Variants in GNAO1 observed in about 807,000 individuals in gnomAD.
GNAO1 encodes G protein subunit alpha o1.
For missense variants in GNAO1, 166 were observed against 478.7 expected, an observed-to-expected ratio of 0.35 and a Z score of 6.10; for synonymous variants, 164 against 180.7, an observed-to-expected ratio of 0.91 and a Z score of 0.74.
At chr16:56,197,423 G>A (rs530725886) in intron 2 of GNAO1, among the ~76,000 whole-genome samples, 69 of 152,320 alleles carry the variant, frequency 4.5e-4, no homozygotes, top group Middle Eastern at 6.8e-3. Context: ...TTTTCCTGAT[G>A]GATGGTGCTC....
intron 2 of GNAO1, among the ~76,000 whole-genome samples, chr16:56,256,712 CTCTCTCTGTGTG>C (rs1160126856): frequency 1.6e-4 from 19 of 116,028 alleles, no homozygotes; most frequent in South Asian, 1.3e-3. Flanking sequence ...CTCTCTCTCT[CTCTCTCTGTGTG>C]TGTGTGTGTG....
intron 2 of GNAO1, among the ~76,000 whole-genome samples, chr16:56,233,151 T>C (rs531154540): frequency 6.6e-6 from 1 of 152,302 alleles, no homozygotes; most frequent in East Asian, 1.9e-4. Context: ...CTGGCTAAAG[T>C]TGTTTTGAGG....
At chr16:56,235,325 A>T in intron 2 of GNAO1, 1 of 456,078 alleles carries the variant, frequency 2.2e-6, no homozygotes, top group Non-Finnish European at 4.4e-6. Flanking sequence ...GCTTAGACAG[A>T]GCATGTAGCC....
chr16:56,232,134 C>G (rs1255966528), intron 2 of GNAO1, among the ~76,000 whole-genome samples: 1 of 152,158 alleles, frequency 6.6e-6, no homozygotes, highest in Non-Finnish European at 1.5e-5. Flanking sequence ...AAAATGTTTC[C>G]TTTACTATTG....
intron 2 of GNAO1, among the ~76,000 whole-genome samples, chr16:56,275,100 A>C (rs995486480): frequency 6.6e-6 from 1 of 152,232 alleles, no homozygotes; most frequent in Non-Finnish European, 1.5e-5. Context: ...ATATGACCAC[A>C]GAAGAGTTTA....
At chr16:56,199,069 A>G (rs1335129860) in intron 2 of GNAO1, among the ~76,000 whole-genome samples, 3 of 152,222 alleles carry the variant, frequency 2.0e-5, no homozygotes, top group Non-Finnish European at 2.9e-5. Flanking sequence ...GGGCTACCCC[A>G]GGCTCCCTTC....
intron 6 of GNAO1, chr16:56,339,963 T>C (rs2037783900): frequency 6.6e-6 from 1 of 152,402 alleles, no homozygotes; most frequent in Non-Finnish European, 1.5e-5. Context: ...CTCCAGCCAC[T>C]TGGCCTGGGC....
chr16:56,321,005 G>A (rs1429888324), intron 3 of GNAO1, among the ~76,000 whole-genome samples: 1 of 152,236 alleles, frequency 6.6e-6, no homozygotes, highest in Non-Finnish European at 1.5e-5. Flanking sequence ...CCATGGGAGA[G>A]AGAGGGGCCA....
intron 3 of GNAO1, among the ~76,000 whole-genome samples, chr16:56,293,965 G>A (rs1285475544): frequency 6.6e-6 from 1 of 152,208 alleles, no homozygotes; most frequent in Non-Finnish European, 1.5e-5. Flanking sequence ...TGCTTAGTAG[G>A]TGATAGCTCC....
At chr16:56,235,417 G>A (rs2036628901) in intron 2 of GNAO1, 1 of 455,864 alleles carries the variant, frequency 2.2e-6, no homozygotes, top group Non-Finnish European at 4.4e-6. Context: ...AAGGCCGGCG[G>A]GACACTACGC....
At chr16:56,335,555 TC>T (rs1436402524) in intron 5 of GNAO1, among the ~76,000 whole-genome samples, 1 of 152,156 alleles carries the variant, frequency 6.6e-6, no homozygotes, top group African/African-American at 2.4e-5. Context: ...ATTCTAATAT[TC>T]CCTGCCTCCC....
At chr16:56,315,488 G>A (rs2037498810) in intron 3 of GNAO1, among the ~76,000 whole-genome samples, 1 of 152,170 alleles carries the variant, frequency 6.6e-6, no homozygotes, top group Non-Finnish European at 1.5e-5. Flanking sequence ...TTTTGGGACA[G>A]GATAGTGCCT....
At position 56,328,177 on chromosome 16, in the gene GNAO1, A is replaced by G. The variant is rs545947593; in HGVS notation, c.304-454A>G. Among the ~76,000 whole-genome samples, 11 of 152,358 alleles carry G rather than the reference A, an allele frequency of 7.2e-5. No individual in the cohort carries two copies. The East Asian group carries it at 1.9e-3, about 27-fold the overall frequency. On this transcript the variant is annotated intron_variant, in intron 3 of 8. Coordinates refer to ENST00000262493, the MANE Select transcript of GNAO1 (RefSeq NM_020988.3). Reference sequence around the variant, plus strand: ...CTGCATTCCACCCTGTGTAAGAAGTATAGAAAATTACAGCTCAGCCAAGAA... The same window carrying G: ...CTGCATTCCACCCTGTGTAAGAAGTGTAGAAAATTACAGCTCAGCCAAGAA...
chr16:56,223,632 T>G (rs984339916), intron 2 of GNAO1, among the ~76,000 whole-genome samples: 4 of 152,170 alleles, frequency 2.6e-5, no homozygotes, highest in African/African-American at 4.8e-5. Context: ...GCTTGACTTC[T>G]TGGTTTAAGT....
intron 2 of GNAO1, among the ~76,000 whole-genome samples, chr16:56,236,006 A>G (rs1342212251): frequency 6.6e-6 from 1 of 152,126 alleles, no homozygotes; most frequent in African/African-American, 2.4e-5. Flanking sequence ...TGATTCTTTG[A>G]GTCATAGCCT....
chr16:56,324,966 T>G (rs550136848), intron 3 of GNAO1, among the ~76,000 whole-genome samples: 2 of 152,386 alleles, frequency 1.3e-5, no homozygotes, highest in South Asian at 4.1e-4. Context: ...GGCCTCACAC[T>G]TCTTTTGTAC....
At chr16:56,219,862 T>C (rs949215402) in intron 2 of GNAO1, among the ~76,000 whole-genome samples, 14 of 152,234 alleles carry the variant, frequency 9.2e-5, no homozygotes, top group Admixed American at 2.6e-4. Flanking sequence ...TTCTGCCACA[T>C]GGCTGCTGTC....
intron 3 of GNAO1, among the ~76,000 whole-genome samples, chr16:56,298,735 A>G (rs1405958202): frequency 6.6e-6 from 1 of 151,850 alleles, no homozygotes; most frequent in Non-Finnish European, 1.5e-5. Context: ...ACACGGTGAA[A>G]CCCCATGTCT....
At chr16:56,198,049 AAAAAC>A (rs1228684996) in intron 2 of GNAO1, among the ~76,000 whole-genome samples, 13 of 152,348 alleles carry the variant, frequency 8.5e-5, no homozygotes, top group East Asian at 3.9e-4. Flanking sequence ...CCAAACTGAA[AAAAAC>A]AAAACAAAAC....
Sources: gnomAD v4.1 joint callset for allele counts (sites outside exome capture counted in the v4.1 genomes callset) on GRCh38, gnomAD v4.1.1 for gene constraint, MANE v1.5 for transcripts, NCBI Gene and HGNC (gene_info 2026-07-23, HGNC 2026-07-21) for gene names.